SUOX: variants seen among roughly 807,000 people sequenced by gnomAD.
SUOX encodes the protein sulfite oxidase, also known as sulfite oxidase, mitochondrial.
SUOX carries 39 observed loss-of-function variants against 41.9 expected under a neutral mutation model. That is an observed-to-expected ratio of 0.93 (90% CI 0.72 to 1.21). The LOEUF is 1.21. Ranked by LOEUF, SUOX falls within the 50% of genes most tolerant of loss-of-function variation. SUOX has a pLI of 0.00. For synonymous variants in SUOX, 220 were observed against 268.4 expected, an observed-to-expected ratio of 0.82 and a Z score of 1.76; for missense variants, 633 against 689.5, an observed-to-expected ratio of 0.92 and a Z score of 0.92.
Position 56,002,635 on chromosome 12 carries a change from A to C in SUOX, c.143A>C (p.Asp48Ala). Residue 48 changes from aspartate to alanine, a missense_variant, in exon 4 of 5, where the codon GAT (aspartate) becomes GCT (alanine). Coordinates refer to ENST00000266971, the MANE Select transcript of SUOX (RefSeq NM_001032386.2). Reference sequence around the variant, plus strand: ...CGCCCCAGCCTCACCTTCTCTGGTGATAACTCCAGCACCCAGGGATGGAGA... The same window carrying C: ...CGCCCCAGCCTCACCTTCTCTGGTGCTAACTCCAGCACCCAGGGATGGAGA... The part of the protein sequence containing the change: ...PQRPSLTFSG[D>A]NSSTQGWRVM... The C allele has an allele frequency of 6.2e-7, 1 of 1,613,934 alleles. No individual in the cohort carries two copies. The highest frequency in any genetic ancestry group is 8.5e-7 in the Non-Finnish European group (1 of 1,179,986).
chr12:56,000,785 G>A (rs560848904), intron 2 of SUOX, among the ~76,000 whole-genome samples: 1 of 148,532 alleles, frequency 6.7e-6, no homozygotes, highest in Admixed American at 6.7e-5. Context: ...CTTTTTCTTT[G>A]TTTTTTTTTT....
Position 56,001,892 on chromosome 12 carries a change from C to T in SUOX, c.-10-320C>T, listed in dbSNP as rs975002406. The T allele has an allele frequency of 4.1e-6, 5 of 1,233,802 alleles. No homozygotes were observed. The African/African-American group carries it at 4.6e-5, about 11-fold the overall frequency. 76.4% of individuals were successfully genotyped at this position (1,233,802 alleles called of 1,614,324 possible). A position where few individuals can be genotyped will look rare whatever the true frequency, so the allele number is the denominator to read the frequency against. On this transcript the variant is annotated intron_variant, in intron 2 of 4. Coordinates refer to ENST00000266971, the MANE Select transcript of SUOX (RefSeq NM_001032386.2). The stretch of plus-strand genomic sequence containing the variant: ...TTTGGTTTCGGTCCTTTAGGCCCTT[C>T]GCCCCAGGCATCGTTCTCTATGGTG...
intron 2 of SUOX, among the ~76,000 whole-genome samples, chr12:56,000,407 C>T (rs1333824948): frequency 2.0e-5 from 3 of 152,250 alleles, no homozygotes; most frequent in Admixed American, 6.5e-5. Flanking sequence ...CCTCATTGCC[C>T]GGGGCCGGCA....
At chr12:55,998,118 G>A (rs1890374837) in intron 2 of SUOX, among the ~76,000 whole-genome samples, 1 of 152,104 alleles carries the variant, frequency 6.6e-6, no homozygotes, top group Non-Finnish European at 1.5e-5. Flanking sequence ...GTGAATGGAG[G>A]GAGAGTTGGG....
intron 4 of SUOX, among the ~76,000 whole-genome samples, chr12:56,003,335 C>T (rs1053303834): frequency 6.6e-6 from 1 of 151,124 alleles, no homozygotes; most frequent in Admixed American, 6.6e-5. Context: ...GATCTCAGCT[C>T]ACCACAACCT....
In SUOX at chr12:56,004,346, GGGAC is replaced by G; in HGVS notation, c.958_961del (p.Gly320TrpfsTer32). On this transcript the variant is annotated frameshift_variant, in exon 5 of 5. Coordinates refer to ENST00000266971, the MANE Select transcript of SUOX (RefSeq NM_001032386.2). LOFTEE classifies it high-confidence loss of function. This position sits in a 1 kb window ranked among gnomAD's most constrained non-coding sequence, Gnocchi z 4.5. ...AAACTGAGGCCCACGTCTGCTTTGA[GGGAC>G]TGGACTCAGACCCTACTGGGACTGC... 1 of 1,614,150 alleles carries G rather than the reference GGGAC, an allele frequency of 6.2e-7. No individual in the cohort carries two copies. The highest frequency in any genetic ancestry group is 1.1e-5 in the South Asian group (1 of 91,088).
rs751864514 is a variant in SUOX at position 56,004,143 on chromosome 12, A to G, written c.754A>G (p.Asn252Asp). ...GTCTCTTTCCCTGGATGACTTGCAC[A>G]ACTTTCCCAGGTACGAGATCACAGT... ...SLSLSLDDLH[N>D]FPRYEITVTL... The change falls in exon 5 of 5, where the codon AAC becomes GAC. Residue 252 changes from asparagine to aspartate, a missense_variant. Transcript: ENST00000266971. This position sits in a 1 kb window ranked among gnomAD's most constrained non-coding sequence, Gnocchi z 4.5. 1.2e-6 allele frequency: 2 copies of G among 1,614,170 alleles called. No individual in the cohort carries two copies. Among genetic ancestry groups the G allele is most frequent in the Non-Finnish European group, 8.5e-7 (1 of 1,180,030 alleles).
rs1890700507 is a variant in SUOX at position 56,005,189 on chromosome 12, G to A, written c.*162G>A. On this transcript the variant is annotated 3_prime_UTR_variant, in exon 5 of 5. Coordinates refer to ENST00000266971, the MANE Select transcript of SUOX (RefSeq NM_001032386.2). ...TTCACCCAAGGACCTTCCCTCTTTG[G>A]ACACTATGTTACATACCCCTCTTGG... The A allele has an allele frequency of 6.3e-6, 5 of 787,928 alleles. No homozygotes were observed. Among genetic ancestry groups the A allele is most frequent in the Non-Finnish European group, 1.0e-5 (5 of 477,130 alleles). The allele number at this position is 787,928 out of a possible 1,614,324, so 48.8% of individuals were successfully genotyped here. A position where few individuals can be genotyped will look rare whatever the true frequency, so the allele number is the denominator to read the frequency against.
At chr12:55,998,861 C>T (rs1251887103) in intron 2 of SUOX, among the ~76,000 whole-genome samples, 1 of 151,442 alleles carries the variant, frequency 6.6e-6, no homozygotes, top group East Asian at 1.9e-4. Context: ...TACGGTGGCG[C>T]CATCATAATT....
rs559228719 is a variant in SUOX, at chr12:56,005,002, G to C, written c.1613G>C (p.Arg538Pro). The C allele has an allele frequency of 6.2e-7, 1 of 1,613,110 alleles. No individual in the cohort carries two copies. The highest frequency in any genetic ancestry group is 1.1e-5 in the South Asian group (1 of 91,086). The part of the protein sequence containing the change: ...LRGVLSNAWH[R>P]VHVYVSP ...GGTGTTCTCAGCAATGCCTGGCATCGTGTCCATGTCTATGTCTCCCCATGA... is the reference window on the plus strand; with the variant it reads ...GGTGTTCTCAGCAATGCCTGGCATCCTGTCCATGTCTATGTCTCCCCATGA... The change falls in exon 5 of 5, where the codon CGT (arginine) becomes CCT (proline). Residue 538 changes from arginine to proline, a missense_variant. Transcript: ENST00000266971.
rs1890686979 is a variant in SUOX at position 56,004,876 on chromosome 12, C to G, written c.1487C>G (p.Pro496Arg). Residue 496 changes from proline to arginine, a missense_variant, in exon 5 of 5, where the codon CCT becomes CGT. Coordinates refer to ENST00000266971, the MANE Select transcript of SUOX (RefSeq NM_001032386.2). The surrounding 1 kb of genome is among the most constrained non-coding windows in gnomAD (Gnocchi z 4.5). ...WAWRLWQLKAPVPAGQKELNI... is the reference protein window; with the variant it reads ...WAWRLWQLKARVPAGQKELNI... ...TGGCGTCTGTGGCAGTTGAAAGCCC[C>G]TGTGCCAGCTGGACAAAAGGAACTG... The G allele has an allele frequency of 6.2e-7, 1 of 1,614,194 alleles. No individual in the cohort carries two copies. Among genetic ancestry groups the G allele is most frequent in the African/African-American group, 1.3e-5 (1 of 75,034 alleles).
chr12:56,004,182 G>T lies in SUOX; in HGVS notation c.793G>T (p.Ala265Ser). 6.2e-7 allele frequency: 1 copy of T among 1,614,154 alleles called. No individual in the cohort carries two copies. Among genetic ancestry groups the T allele is most frequent in the Non-Finnish European group, 8.5e-7 (1 of 1,180,038 alleles). The change falls in exon 5 of 5, where the codon GCC becomes TCC. Residue 265 changes from alanine to serine, a missense_variant. Transcript: ENST00000266971. The surrounding 1 kb of genome is among the most constrained non-coding windows in gnomAD (Gnocchi z 4.5). The part of the protein sequence containing the change: ...RYEITVTLQC[A>S]GNRRSEMTQV... ...CGAGATCACAGTCACTCTGCAGTGT[G>T]CCGGCAACCGACGCTCTGAGATGAC... is the stretch of plus-strand genomic sequence containing the variant.
chr12:55,999,951 T>C (rs1476299490), intron 2 of SUOX, among the ~76,000 whole-genome samples: 1 of 152,158 alleles, frequency 6.6e-6, no homozygotes, highest in Non-Finnish European at 1.5e-5. Flanking sequence ...AGTAGCTAGA[T>C]ACAGAGTGTT....
At chr12:56,002,074 C>T (rs1890550808) in intron 2 of SUOX, 138 bp from the exon 3 acceptor site, 5 of 1,475,166 alleles carry the variant, frequency 3.4e-6, no homozygotes, top group Non-Finnish European at 4.6e-6. Context: ...TTTGGACTCC[C>T]ACTCTCAAGA....
intron 2 of SUOX, chr12:56,001,776 C>T (rs1223066264): frequency 1.4e-5 from 5 of 347,192 alleles, no homozygotes; most frequent in African/African-American, 8.9e-5. Context: ...GCTGTCACTA[C>T]TTTTTTTTCA....
intron 2 of SUOX, chr12:56,001,981 T>C: frequency 7.1e-7 from 1 of 1,413,356 alleles, no homozygotes; most frequent in Non-Finnish European, 9.2e-7. Flanking sequence ...CCATCCCTCC[T>C]ACCCCATTCC....
intron 2 of SUOX, chr12:56,001,170 A>G (rs773125): frequency 0.42 from 52,435 of 125,774 alleles, 10,446 homozygotes; most frequent in African/African-American, 0.47. Context: ...TGTTGCCCAG[A>G]CTGGAGAGCA....
chr12:56,004,652 G>A lies in SUOX; in HGVS notation c.1263G>A (p.Gln421=). 2 of 1,613,924 alleles carry A rather than the reference G, an allele frequency of 1.2e-6. No individual in the cohort carries two copies. Among genetic ancestry groups the A allele is most frequent in the Non-Finnish European group, 1.7e-6 (2 of 1,179,802 alleles). The change falls in exon 5 of 5, where the codon CAG becomes CAA. Residue 421 remains glutamine, a synonymous_variant. Coordinates refer to ENST00000266971, the MANE Select transcript of SUOX (RefSeq NM_001032386.2). The surrounding 1 kb of genome is among the most constrained non-coding windows in gnomAD (Gnocchi z 4.5). ...TVDFDSAPSI[Q]ELPVQSAITE... ...ATTTTGACTCTGCTCCATCCATTCA[G>A]GAACTTCCTGTCCAGTCGGCCATCA...
Position 56,004,302 on chromosome 12 carries a change from G to A in SUOX, c.913G>A (p.Ala305Thr), listed in dbSNP as rs1565799050. 7.4e-6 allele frequency: 12 copies of A among 1,614,098 alleles called. No homozygotes were observed. Among genetic ancestry groups the A allele is most frequent in the Non-Finnish European group, 9.3e-6 (11 of 1,180,004 alleles). The change falls in exon 5 of 5, where the codon GCT becomes ACT. Residue 305 changes from alanine (A) to threonine (T), a missense_variant. Ala to Thr is a moderately conservative substitution (Grantham distance 58, BLOSUM62 0). Coordinates refer to ENST00000266971, the MANE Select transcript of SUOX (RefSeq NM_001032386.2). This position sits in a 1 kb window ranked among gnomAD's most constrained non-coding sequence, Gnocchi z 4.5. ...GARLCDVLAQ[A>T]GHQLCETEAH... Reference sequence around the variant, plus strand: ...ACGGCTCTGTGATGTGTTAGCCCAGGCTGGCCACCAACTCTGTGAAACTGA... The same window carrying A: ...ACGGCTCTGTGATGTGTTAGCCCAGACTGGCCACCAACTCTGTGAAACTGA...
Sources: gnomAD v4.1 joint callset for allele counts (sites outside exome capture counted in the v4.1 genomes callset) on GRCh38, gnomAD v4.1.1 for gene constraint, Gnocchi (gnomAD v3.1) non-coding constraint, MANE v1.5 for transcripts, NCBI Gene and HGNC (gene_info 2026-07-23, HGNC 2026-07-21) for gene names.